The following PINX1 variants were observed in gnomAD, a reference collection of about 807,000 sequenced individuals.
PINX1 encodes the protein PIN2/TERF1-interacting telomerase inhibitor 1.
A neutral mutation model predicts 25.4 loss-of-function variants in PINX1; 34 were observed. The ratio of observed to expected loss-of-function variants is 1.34; its 90% confidence interval spans 1.02 to 1.78. The LOEUF (loss-of-function observed/expected upper bound fraction) is 1.78, where lower values mean the gene tolerates loss of function less well. Among genes scored for constraint, PINX1 ranks in the 40% most tolerant of loss-of-function variants. The pLI is 0.00. For missense variants in PINX1, 592 were observed against 404.9 expected (o/e 1.46, Z -3.97); for synonymous variants, 197 against 147.7 (o/e 1.33, Z -2.42).
chr8:10,831,188 C>G (rs1310464500), intron 4 of PINX1, among the ~76,000 whole-genome samples: 1 of 152,114 alleles, frequency 6.6e-6, no homozygotes, highest in African/African-American at 2.4e-5. Flanking sequence ...AAGCCAGGCA[C>G]AGATAAATAT....
At chr8:10,796,450 C>G (rs558054812) in intron 6 of PINX1, among the ~76,000 whole-genome samples, 3 of 152,168 alleles carry the variant, frequency 2.0e-5, no homozygotes, top group Non-Finnish European at 2.9e-5. Context: ...ATCAGCTCCC[C>G]CTTCCAGAGA....
intron 6 of PINX1, among the ~76,000 whole-genome samples, chr8:10,775,194 C>T (rs1276736162): frequency 1.3e-5 from 2 of 152,040 alleles, no homozygotes; most frequent in East Asian, 3.8e-4. Flanking sequence ...ATTTTATAAA[C>T]AAAAAATATA....
intron 6 of PINX1, among the ~76,000 whole-genome samples, chr8:10,809,662 G>A (rs1054202826): frequency 2.6e-5 from 4 of 152,194 alleles, no homozygotes; most frequent in Non-Finnish European, 4.4e-5. Context: ...AGTTCAAGAG[G>A]AGGACAGATA....
chr8:10,814,229 T>C (rs531206219), intron 6 of PINX1, among the ~76,000 whole-genome samples: 2 of 152,282 alleles, frequency 1.3e-5, no homozygotes, highest in African/African-American at 4.8e-5. Flanking sequence ...ACTTGGAAAT[T>C]AGAAATGTGC....
At chr8:10,798,388 T>C (rs1245541841) in intron 6 of PINX1, among the ~76,000 whole-genome samples, 2 of 152,256 alleles carry the variant, frequency 1.3e-5, no homozygotes, top group Non-Finnish European at 1.5e-5. Flanking sequence ...CAAATCAGAA[T>C]GAGACTGTGG....
chr8:10,813,924 G>A (rs1301111484), intron 6 of PINX1, among the ~76,000 whole-genome samples: 1 of 150,990 alleles, frequency 6.6e-6, no homozygotes, highest in Non-Finnish European at 1.5e-5. Flanking sequence ...AAAAAAAAAA[G>A]AGTAGCAGGA....
chr8:10,776,072 T>C (rs1284311842), intron 6 of PINX1, among the ~76,000 whole-genome samples: 1 of 152,172 alleles, frequency 6.6e-6, no homozygotes, highest in African/African-American at 2.4e-5. Flanking sequence ...TAGCATTCAT[T>C]ATAGCCTAGA....
chr8:10,808,434 G>C (rs1260460978), intron 6 of PINX1, among the ~76,000 whole-genome samples: 1 of 152,132 alleles, frequency 6.6e-6, no homozygotes, highest in African/African-American at 2.4e-5. Context: ...TTTACATCTA[G>C]GTGCGTATAT....
intron 6 of PINX1, among the ~76,000 whole-genome samples, chr8:10,790,273 A>C (rs12679010): frequency 0.053 from 8,104 of 152,314 alleles, 595 homozygotes; most frequent in East Asian, 0.3. Flanking sequence ...AAATGAGAAC[A>C]AAAGAGGCTT....
chr8:10,798,946 T>A (rs1009303029), intron 6 of PINX1, among the ~76,000 whole-genome samples: 1 of 152,152 alleles, frequency 6.6e-6, no homozygotes, highest in Non-Finnish European at 1.5e-5. Context: ...AAATAATCAG[T>A]TTTCCCAAAT....
intron 6 of PINX1, among the ~76,000 whole-genome samples, chr8:10,814,515 C>A (rs1797635190): frequency 6.6e-6 from 1 of 152,198 alleles, no homozygotes; most frequent in Non-Finnish European, 1.5e-5. Flanking sequence ...GTCTGAAAGC[C>A]AGTTTCTGGC....
intron 6 of PINX1, among the ~76,000 whole-genome samples, chr8:10,798,201 G>C (rs191304373): frequency 1.5e-3 from 230 of 152,304 alleles, no homozygotes; most frequent in Admixed American, 4.4e-3. Flanking sequence ...ATTTCTTTTA[G>C]AGTCCATGTG....
intron 6 of PINX1, among the ~76,000 whole-genome samples, chr8:10,792,650 A>G (rs1801960662): frequency 6.6e-6 from 1 of 152,184 alleles, no homozygotes; most frequent in Non-Finnish European, 1.5e-5. Flanking sequence ...TACACCACAT[A>G]CACGCCGCCG....
intron 3 of PINX1, among the ~76,000 whole-genome samples, chr8:10,832,428 C>G (rs920319123): frequency 1.3e-5 from 2 of 152,178 alleles, no homozygotes; most frequent in Non-Finnish European, 2.9e-5. Flanking sequence ...AATAGGTTTA[C>G]TGGGCAATGC....
rs11989690 is a variant in PINX1, at chr8:10,821,170, C to T, written c.395-901G>A. Among the ~76,000 whole-genome samples the T allele has an allele frequency of 5.4e-4, 82 of 152,194 alleles. 2 individuals are homozygous for T. The highest frequency in any genetic ancestry group is 5.0e-3 in the Admixed American group (77 of 15,282). On this transcript the variant is annotated intron_variant, in intron 5 of 6. Coordinates refer to ENST00000314787, the MANE Select transcript of PINX1 (RefSeq NM_017884.6). ...GTCAGACACAGGAATGTGAGTCTCA[C>T]GCTGGAAGCCGAGTTCCACCGTCAC...
chr8:10,772,674 C>A (rs1801265395), intron 6 of PINX1, among the ~76,000 whole-genome samples: 1 of 152,196 alleles, frequency 6.6e-6, no homozygotes, highest in South Asian at 2.1e-4. Context: ...TCACAAGAGT[C>A]AAAAACAAAT....
intron 2 of PINX1, chr8:10,833,344 A>AT: frequency 6.0e-6 from 1 of 166,072 alleles, no homozygotes; most frequent in Non-Finnish European, 1.3e-5. Context: ...TTTGGATTTT[A>AT]TTTTAAAGAC....
At chr8:10,779,642 T>A (rs7836178) in intron 6 of PINX1, among the ~76,000 whole-genome samples, 20,341 of 152,174 alleles carry the variant, frequency 0.13, 2,224 homozygotes, top group African/African-American at 0.3. Context: ...GATATTTTAA[T>A]GCTTTTATTT....
intron 1 of PINX1, 89 bp downstream of exon 1, chr8:10,839,649 C>T (rs1798509609): frequency 1.4e-6 from 2 of 1,391,042 alleles, no homozygotes; most frequent in Non-Finnish European, 1.0e-6. Context: ...CGCCGGCAAC[C>T]CGAGCTCCCA....
Sources: allele counts gnomAD v4.1 joint callset (sites outside exome capture counted in the v4.1 genomes callset), GRCh38; gene constraint gnomAD v4.1.1; transcripts MANE v1.5; gene names NCBI Gene and HGNC (gene_info 2026-07-23, HGNC 2026-07-21).